SLC35D1: variants seen among roughly 807,000 people sequenced by gnomAD.
SLC35D1 encodes the protein nucleotide sugar transporter SLC35D1.
Under a neutral mutation model 46.7 loss-of-function variants are expected in SLC35D1, and 31 were observed. The observed-to-expected ratio is 0.66, with a 90% CI of 0.50 to 0.90. The LOEUF is 0.90. SLC35D1 is among the 40% of genes least tolerant of loss of function. The probability of loss-of-function intolerance (pLI) is 0.00; values close to 1 mark genes in which losing one functional copy is unlikely to be tolerated. For missense variants in SLC35D1, 397 were observed against 426.2 expected (o/e 0.93, Z 0.60); for synonymous variants, 195 against 164.6 (o/e 1.18, Z -1.41).
At chr1:66,994,703 C>A (rs554305752), downstream of SLC35D1, among the ~76,000 whole-genome samples, 2 of 151,574 alleles carry the variant, frequency 1.3e-5, no homozygotes, top group Admixed American at 6.6e-5. Context: ...TATTCAGCAT[C>A]CTACAGTGGA....
intron 1 of SLC35D1, among the ~76,000 whole-genome samples, chr1:67,053,561 C>A (rs1394801177): frequency 1.3e-5 from 2 of 152,054 alleles, no homozygotes; most frequent in Non-Finnish European, 2.9e-5. Flanking sequence ...GCGCCCAGGG[C>A]ATGGCAGGCG....
intron 5 of SLC35D1, 135 bp downstream of exon 5, chr1:67,050,298 A>C: frequency 1.5e-6 from 1 of 669,302 alleles, no homozygotes; most frequent in Non-Finnish European, 2.6e-6. Context: ...TATCAATTCC[A>C]GCAGCCAAGA....
chr1:67,053,158 T>C (rs1271913748), intron 1 of SLC35D1, among the ~76,000 whole-genome samples, 169 bp from the exon 2 acceptor site: 1 of 152,182 alleles, frequency 6.6e-6, no homozygotes, highest in African/African-American at 2.4e-5. Context: ...CTGTTGGTTG[T>C]CAGTCCACCC....
At chr1:66,984,241 C>T in the SLC35D1 span, among the ~76,000 whole-genome samples, 7 of 152,204 alleles carry the variant, frequency 4.6e-5, no homozygotes, top group African/African-American at 1.7e-4. Context: ...GGATCCAGTG[C>T]TTGTTTGCTG....
At chr1:67,034,457 T>C (rs1056173394) in intron 8 of SLC35D1, among the ~76,000 whole-genome samples, 4 of 152,244 alleles carry the variant, frequency 2.6e-5, no homozygotes, top group African/African-American at 7.2e-5. Flanking sequence ...GTAGCTATTA[T>C]AAATGTAATT....
intron 7 of SLC35D1, among the ~76,000 whole-genome samples, chr1:67,043,877 A>T (rs1385223259): frequency 6.6e-6 from 1 of 152,168 alleles, no homozygotes; most frequent in Admixed American, 6.5e-5. Flanking sequence ...AATGCAGGCC[A>T]GGGTTTGAGA....
intron 6 of SLC35D1, among the ~76,000 whole-genome samples, chr1:67,049,176 C>G (rs1645282233): frequency 6.6e-6 from 1 of 152,092 alleles, no homozygotes; most frequent in South Asian, 2.1e-4. Context: ...CACCTGTAGT[C>G]CCAGCTACTC....
the SLC35D1 span, among the ~76,000 whole-genome samples, chr1:66,984,129 A>G: frequency 1.3e-5 from 2 of 152,246 alleles, no homozygotes; most frequent in African/African-American, 4.8e-5. Context: ...TTAAAGAAAG[A>G]GCATTCATCT....
At chr1:66,981,584 A>G in the SLC35D1 span, among the ~76,000 whole-genome samples, 5 of 152,150 alleles carry the variant, frequency 3.3e-5, no homozygotes, top group African/African-American at 7.2e-5. Flanking sequence ...GCCGTTATGC[A>G]TTTTTCCTAT....
At chr1:67,033,269 G>T (rs1188684878) in intron 8 of SLC35D1, among the ~76,000 whole-genome samples, 2 of 151,986 alleles carry the variant, frequency 1.3e-5, no homozygotes, top group Admixed American at 1.3e-4. Flanking sequence ...AGATTGTATG[G>T]TAGCTGTATT....
chr1:66,975,249 C>T, the SLC35D1 span, among the ~76,000 whole-genome samples: 14 of 152,182 alleles, frequency 9.2e-5, no homozygotes, highest in African/African-American at 2.2e-4. Context: ...TCAGTATTGC[C>T]GGTGCAGTGG....
chr1:67,009,563 GCAAA>G (rs992234670), intron 10 of SLC35D1, among the ~76,000 whole-genome samples: 5 of 152,098 alleles, frequency 3.3e-5, no homozygotes, highest in African/African-American at 4.8e-5. Flanking sequence ...CATACATGCA[GCAAA>G]CAAATATAGG....
chr1:67,013,933 T>C (rs1667628138), intron 10 of SLC35D1, among the ~76,000 whole-genome samples: 1 of 152,252 alleles, frequency 6.6e-6, no homozygotes, highest in African/African-American at 2.4e-5. Flanking sequence ...TTGCATAACC[T>C]GGTTTCATAG....
intron 8 of SLC35D1, among the ~76,000 whole-genome samples, chr1:67,032,776 T>C (rs1668043645): frequency 6.6e-6 from 1 of 152,174 alleles, no homozygotes; most frequent in South Asian, 2.1e-4. Context: ...AATCCAATTA[T>C]ACTCTTTTAG....
the SLC35D1 span, among the ~76,000 whole-genome samples, chr1:66,979,046 T>C: frequency 6.6e-6 from 1 of 152,174 alleles, no homozygotes; most frequent in African/African-American, 2.4e-5. Context: ...TTTTTTCCCT[T>C]AGGCAGGAAT....
chr1:67,008,413 C>T (rs1667494008), intron 11 of SLC35D1: 25 of 1,288,200 alleles, frequency 1.9e-5, no homozygotes, highest in Non-Finnish European at 2.5e-5. Context: ...GCACTACCAA[C>T]TCTTAACTCA....
rs1239515366 is a variant in SLC35D1, at chr1:67,004,054, A to G, written c.*286T>C. ...AATTATGAAATAAAATACTTTCAAA[A>G]CACTGATGTTTCACTGTCGGCATAT... On this transcript the variant is annotated 3_prime_UTR_variant, in exon 12 of 12. Coordinates refer to ENST00000235345, the MANE Select transcript of SLC35D1 (RefSeq NM_015139.3). 5.6e-6 allele frequency: 2 copies of G among 356,182 alleles called. No individual in the cohort carries two copies. The highest frequency in any genetic ancestry group is 1.1e-5 in the Non-Finnish European group (2 of 187,088). The allele number at this position is 356,182 out of a possible 1,614,324, so 22.1% of individuals were successfully genotyped here.
the SLC35D1 span, among the ~76,000 whole-genome samples, chr1:66,992,474 TCTCA>T: frequency 1.2e-4 from 19 of 152,220 alleles, no homozygotes; most frequent in Non-Finnish European, 2.2e-4. Context: ...TTCTGGAATC[TCTCA>T]CTCAATCCTC....
intron 8 of SLC35D1, among the ~76,000 whole-genome samples, chr1:67,024,289 T>C (rs935126279): frequency 1.3e-5 from 2 of 152,148 alleles, no homozygotes; most frequent in Non-Finnish European, 2.9e-5. Flanking sequence ...GAGCAAAAAA[T>C]GTTAATGTTG....
Sources: gnomAD v4.1 joint callset for allele counts (sites outside exome capture counted in the v4.1 genomes callset) on GRCh38, gnomAD v4.1.1 for gene constraint, MANE v1.5 for transcripts, NCBI Gene and HGNC (gene_info 2026-07-23, HGNC 2026-07-21) for gene names.